Variants in ANKFN1 observed in about 807,000 individuals in gnomAD.
The protein encoded by ANKFN1 is ankyrin repeat and fibronectin type III domain containing 1, also known as ankyrin repeat and fibronectin type-III domain-containing protein 1.
In ANKFN1, 74 loss-of-function variants were observed where a neutral mutation model predicts 108.7. That is an observed-to-expected ratio of 0.68 (90% CI 0.56 to 0.83). ANKFN1 has a LOEUF of 0.83. Among genes scored for constraint, ANKFN1 ranks in the 40% least tolerant of loss-of-function variants. The pLI is 0.00. For synonymous variants in ANKFN1, 547 were observed against 516.2 expected, an observed-to-expected ratio of 1.06 and a Z score of -0.81; for missense variants, 1,505 against 1,382.3, an observed-to-expected ratio of 1.09 and a Z score of -1.41.
intron 3 of ANKFN1, among the ~76,000 whole-genome samples, chr17:56,259,559 A>T (rs1381195441): frequency 2.0e-5 from 3 of 152,082 alleles, no homozygotes; most frequent in Non-Finnish European, 2.9e-5. Context: ...TGGGGTAGGG[A>T]GGTGTTCCCA....
chr17:56,403,255 A>G (rs2047818282), intron 8 of ANKFN1, among the ~76,000 whole-genome samples: 1 of 151,864 alleles, frequency 6.6e-6, no homozygotes, highest in Non-Finnish European at 1.5e-5. Flanking sequence ...TTCTTTATTG[A>G]CTTTCTGTCT....
chr17:56,483,868 G>T (rs996477754), intron 18 of ANKFN1, among the ~76,000 whole-genome samples: 2 of 152,112 alleles, frequency 1.3e-5, no homozygotes, highest in Non-Finnish European at 2.9e-5. Flanking sequence ...TAAGACAAAG[G>T]TTCTTCCCTC....
At chr17:56,455,807 C>T (rs2049672979) in intron 11 of ANKFN1, among the ~76,000 whole-genome samples, 1 of 152,198 alleles carries the variant, frequency 6.6e-6, no homozygotes, top group Non-Finnish European at 1.5e-5. Context: ...CCTGCAGAGC[C>T]TGATGCATAG....
intron 3 of ANKFN1, among the ~76,000 whole-genome samples, chr17:56,306,299 G>A (rs967715077): frequency 5.9e-5 from 9 of 152,140 alleles, no homozygotes; most frequent in East Asian, 3.8e-4. Flanking sequence ...ACAGTATGTC[G>A]TTCTATTTAT....
intron 4 of ANKFN1, among the ~76,000 whole-genome samples, chr17:56,131,081 A>G (rs60948418): frequency 0.043 from 6,563 of 152,276 alleles, 476 homozygotes; most frequent in African/African-American, 0.15. Context: ...AGACTAAACC[A>G]GTATGATACC....
At chr17:56,312,332 G>T (rs2045054408) in intron 3 of ANKFN1, among the ~76,000 whole-genome samples, 1 of 152,094 alleles carries the variant, frequency 6.6e-6, no homozygotes, top group East Asian at 1.9e-4. Flanking sequence ...CCTGTCTGTG[G>T]CCCAGCACTG....
chr17:56,458,862 A>G (rs113532558), intron 14 of ANKFN1, among the ~76,000 whole-genome samples: 399 of 152,198 alleles, frequency 2.6e-3, no homozygotes, highest in Middle Eastern at 0.01. Flanking sequence ...CATAAAAATA[A>G]AGTCACAATA....
At position 56,270,955 on chromosome 17, in the gene ANKFN1, T is replaced by TAGCTAAGTTA. The variant is rs550344204; in HGVS notation, c.53+43001_53+43002insTAAGTTAAGC. The stretch of plus-strand genomic sequence containing the variant: ...AATGTTTAATTTTCTTCTTAGCACT[T>TAGCTAAGTTA]AGCACCACCACCTAAAATTATTTTA... On this transcript the variant is annotated intron_variant, in intron 3 of 20. Coordinates refer to ENST00000682825, the MANE Select transcript of ANKFN1 (RefSeq NM_001370326.1). Among the ~76,000 whole-genome samples, 254 of 152,302 alleles carry TAGCTAAGTTA rather than the reference T, an allele frequency of 1.7e-3. 1 individual carries two copies. Among genetic ancestry groups the TAGCTAAGTTA allele is most frequent in the African/African-American group, 5.7e-3 (235 of 41,566 alleles).
intron 3 of ANKFN1, chr17:56,258,093 G>A (rs528957560): frequency 1.3e-5 from 2 of 152,316 alleles, no homozygotes; most frequent in East Asian, 3.9e-4. Flanking sequence ...AGCTGGATAA[G>A]GACTTACAAA....
chr17:56,415,300 G>T (rs984194266), intron 8 of ANKFN1, among the ~76,000 whole-genome samples: 1 of 151,960 alleles, frequency 6.6e-6, no homozygotes, highest in Non-Finnish European at 1.5e-5. Context: ...TCTTATATTT[G>T]GTAAAACCTA....
intron 3 of ANKFN1, among the ~76,000 whole-genome samples, chr17:56,284,817 A>C (rs1053701998): frequency 4.6e-5 from 7 of 152,156 alleles, no homozygotes; most frequent in Non-Finnish European, 1.0e-4. Flanking sequence ...ACAAACAGGA[A>C]ATTCCCAGTC....
At chr17:56,247,960 G>T (rs2043154791) in intron 3 of ANKFN1, among the ~76,000 whole-genome samples, 1 of 152,208 alleles carries the variant, frequency 6.6e-6, no homozygotes, top group South Asian at 2.1e-4. Context: ...GGACAGAGCA[G>T]TGTCTTCCAA....
At chr17:56,491,545 T>G (rs781309480) in intron 18 of ANKFN1, among the ~76,000 whole-genome samples, 1 of 152,144 alleles carries the variant, frequency 6.6e-6, no homozygotes, top group Non-Finnish European at 1.5e-5. Context: ...TCCAATTATC[T>G]GTTGAGAGAA....
At chr17:56,469,975 T>C (rs149859998) in intron 15 of ANKFN1, among the ~76,000 whole-genome samples, 1 of 152,194 alleles carries the variant, frequency 6.6e-6, no homozygotes, top group East Asian at 1.9e-4. Context: ...TGTAGGTTGT[T>C]CCCCTCCCTG....
chr17:56,066,365 G>A (rs1905058511), intron 4 of ANKFN1, among the ~76,000 whole-genome samples: 1 of 152,206 alleles, frequency 6.6e-6, no homozygotes, highest in Admixed American at 6.5e-5. Flanking sequence ...ATTAGCCACA[G>A]GTGGCTGCTG....
rs569372139 is a variant in ANKFN1 at position 56,516,795 on chromosome 17, G to A, written c.*5526G>A. Among the ~76,000 whole-genome samples the A allele has an allele frequency of 2.6e-5, 4 of 152,060 alleles. No individual in the cohort carries two copies. Among genetic ancestry groups the A allele is most frequent in the Non-Finnish European group, 4.4e-5 (3 of 67,998 alleles). On this transcript the variant is annotated 3_prime_UTR_variant, in exon 21 of 21. Transcript: ENST00000682825. ...AAGTGTATTTTCAAGAAAAATTGTC[G>A]ACAGAAGAAATCTAAGCTATCAGAG...
chr17:56,077,389 A>C (rs1213836571), intron 4 of ANKFN1, among the ~76,000 whole-genome samples: 1 of 152,170 alleles, frequency 6.6e-6, no homozygotes, highest in Non-Finnish European at 1.5e-5. Flanking sequence ...CCACCATCAC[A>C]AGGAAAATTC....
intron 8 of ANKFN1, among the ~76,000 whole-genome samples, chr17:56,430,099 T>A (rs1446738386): frequency 6.6e-6 from 1 of 152,140 alleles, no homozygotes; most frequent in African/African-American, 2.4e-5. Flanking sequence ...GTCCTCCTGT[T>A]TTCATCTGTA....
intron 15 of ANKFN1, among the ~76,000 whole-genome samples, chr17:56,475,171 G>T (rs1010142401): frequency 6.6e-6 from 1 of 152,142 alleles, no homozygotes; most frequent in East Asian, 1.9e-4. Flanking sequence ...TCACAGTTTA[G>T]TTCAAGAAAA....
Sources: allele counts gnomAD v4.1 joint callset (sites outside exome capture counted in the v4.1 genomes callset), GRCh38; gene constraint gnomAD v4.1.1; transcripts MANE v1.5; gene names NCBI Gene and HGNC (gene_info 2026-07-23, HGNC 2026-07-21).